Variants in PRKN observed in about 807,000 individuals in gnomAD.
PRKN encodes the protein E3 ubiquitin-protein ligase parkin.
A neutral mutation model predicts 59.5 loss-of-function variants in PRKN; 56 were observed. The ratio of observed to expected loss-of-function variants is 0.94; its 90% CI spans 0.76 to 1.18. The LOEUF (loss-of-function observed/expected upper bound fraction) is 1.18, where lower values mean the gene tolerates loss of function less well. Among genes scored for constraint, PRKN ranks in the 50% most tolerant of loss-of-function variants. PRKN has a pLI of 0.00. For synonymous variants in PRKN, 250 were observed against 222.1 expected (o/e 1.13, Z -1.12); for missense variants, 657 against 596.4 (o/e 1.10, Z -1.06).
intron 1 of PRKN, among the ~76,000 whole-genome samples, chr6:162,718,310 T>G (rs571800486): frequency 6.6e-6 from 1 of 152,318 alleles, no homozygotes; most frequent in East Asian, 1.9e-4. Flanking sequence ...ATGATTAAAT[T>G]GGCTGCAAAA....
intron 3 of PRKN, among the ~76,000 whole-genome samples, chr6:162,202,167 T>C (rs986372373): frequency 1.9e-4 from 29 of 152,256 alleles, no homozygotes; most frequent in Admixed American, 1.8e-3. Context: ...CTTTGAAATT[T>C]TACTATGATC....
rs907039284 is a variant in PRKN at position 161,576,358 on chromosome 6, C to T, written c.872-6942G>A. 5.3e-5 allele frequency among the ~76,000 whole-genome samples: 8 copies of T among 152,198 alleles called. No homozygotes were observed. Among genetic ancestry groups the T allele is most frequent in the Non-Finnish European group, 1.2e-4 (8 of 68,042 alleles). Reference sequence around the variant, plus strand: ...CCAGTTAAGGAGAATCTTGAAGATACTCACCTTCCACCTAATAATGTACTT... The same window carrying T: ...CCAGTTAAGGAGAATCTTGAAGATATTCACCTTCCACCTAATAATGTACTT... On this transcript the variant is annotated intron_variant, in intron 7 of 11. Coordinates refer to ENST00000366898, the MANE Select transcript of PRKN (RefSeq NM_004562.3). The surrounding 1 kb of genome is among the most constrained non-coding windows in gnomAD (Gnocchi z 4.6).
chr6:162,043,110 C>CTT (rs1784127206), intron 5 of PRKN, among the ~76,000 whole-genome samples: 1 of 152,096 alleles, frequency 6.6e-6, no homozygotes, highest in African/African-American at 2.4e-5. Context: ...AGCAGAAACC[C>CTT]CTGATAAACC....
At chr6:161,682,518 C>T (rs1318369913) in intron 7 of PRKN, among the ~76,000 whole-genome samples, 1 of 151,740 alleles carries the variant, frequency 6.6e-6, no homozygotes, top group Non-Finnish European at 1.5e-5. Flanking sequence ...GGAGTGAGAT[C>T]GGAGCTGGGG....
At chr6:162,578,853 C>T (rs888450530) in intron 1 of PRKN, among the ~76,000 whole-genome samples, 2 of 152,084 alleles carry the variant, frequency 1.3e-5, no homozygotes, top group Non-Finnish European at 2.9e-5. Flanking sequence ...TAACTTATGT[C>T]ATATTTTTTC....
intron 6 of PRKN, among the ~76,000 whole-genome samples, chr6:161,922,292 A>G (rs1467747232): frequency 6.6e-6 from 1 of 152,120 alleles, no homozygotes. Flanking sequence ...ATGGTTTTGA[A>G]AAATATTTTC....
At chr6:162,087,589 C>CTTTTTTTTTTTTTTTTTTT (rs35184111) in intron 4 of PRKN, among the ~76,000 whole-genome samples, 1 of 102,692 alleles carries the variant, frequency 9.7e-6, no homozygotes, top group Non-Finnish European at 1.8e-5. Flanking sequence ...AGAATAATTT[C>CTTTTTTTTTTTTTTTTTTT]TTTTTTTTTT....
chr6:161,890,564 G>A (rs1445038537), intron 6 of PRKN, among the ~76,000 whole-genome samples: 3 of 152,168 alleles, frequency 2.0e-5, no homozygotes, highest in African/African-American at 7.2e-5. Flanking sequence ...TAAGCCTTGG[G>A]GGAATGCTGG....
rs938550124 is a variant in PRKN, at chr6:161,566,503, C to G, written c.933+2852G>C. 2.0e-5 allele frequency among the ~76,000 whole-genome samples: 3 copies of G among 152,036 alleles called. No individual in the cohort carries two copies. Among genetic ancestry groups the G allele is most frequent in the African/African-American group, 7.2e-5 (3 of 41,394 alleles). On this transcript the variant is annotated intron_variant, in intron 8 of 11. Transcript: ENST00000366898. This position sits in a 1 kb window ranked among gnomAD's most constrained non-coding sequence, Gnocchi z 4.1. ...CTCACTGCAACCTCCGCCTCCCAGG[C>G]TCAAGCAATTCTCCTGCCTCAGCCT...
chr6:162,698,503 C>A (rs1778044064), intron 1 of PRKN, among the ~76,000 whole-genome samples: 1 of 152,194 alleles, frequency 6.6e-6, no homozygotes, highest in Admixed American at 6.5e-5. Context: ...ATCACATGAG[C>A]ATGAGGACCC....
At chr6:161,615,936 A>G (rs1782676939) in intron 7 of PRKN, among the ~76,000 whole-genome samples, 1 of 152,176 alleles carries the variant, frequency 6.6e-6, no homozygotes, top group Non-Finnish European at 1.5e-5. Flanking sequence ...AAGCATCTGT[A>G]GTTGGGTTCG....
intron 5 of PRKN, among the ~76,000 whole-genome samples, chr6:162,048,222 T>A (rs370529318): frequency 6.6e-6 from 1 of 152,168 alleles, no homozygotes; most frequent in Non-Finnish European, 1.5e-5. Context: ...GCTTGTGTAA[T>A]AGGAAATCAA....
In PRKN at chr6:161,396,685, C is replaced by T. The variant is rs184034800; in HGVS notation, c.1084-9808G>A. Among the ~76,000 whole-genome samples, 5 of 152,300 alleles carry T rather than the reference C, an allele frequency of 3.3e-5. No individual in the cohort carries two copies. In the East Asian group the frequency reaches 9.6e-4, roughly 29 times the overall value. ...ACTAGACTCTGTAGAAATGATTACG[C>T]TACGCCAGTAAAAATGTGAAATCCA... On this transcript the variant is annotated intron_variant, in intron 9 of 11. Coordinates refer to ENST00000366898, the MANE Select transcript of PRKN (RefSeq NM_004562.3). The surrounding 1 kb of genome is among the most constrained non-coding windows in gnomAD (Gnocchi z 5.4).
At chr6:162,532,478 T>C (rs1369673401) in intron 1 of PRKN, among the ~76,000 whole-genome samples, 1 of 152,186 alleles carries the variant, frequency 6.6e-6, no homozygotes, top group Non-Finnish European at 1.5e-5. Context: ...TTTTTTGTGC[T>C]CAGGTTTGAT....
chr6:161,607,255 G>A (rs758593800), intron 7 of PRKN, among the ~76,000 whole-genome samples: 3 of 152,126 alleles, frequency 2.0e-5, no homozygotes, highest in Non-Finnish European at 2.9e-5. Flanking sequence ...TAACAAGCCT[G>A]ACCTTGCACA....
chr6:162,459,268 T>C (rs1394860427), intron 1 of PRKN, among the ~76,000 whole-genome samples: 2 of 152,162 alleles, frequency 1.3e-5, no homozygotes, highest in Non-Finnish European at 2.9e-5. Flanking sequence ...TAAGCACTTA[T>C]TAGGTAGATA....
chr6:162,267,198 G>C (rs995055918), intron 2 of PRKN: 1 of 152,152 alleles, frequency 6.6e-6, no homozygotes, highest in Non-Finnish European at 1.5e-5. Context: ...CTTATAGGAC[G>C]CATTTCCCTC....
chr6:162,705,153 T>G (rs144431392), intron 1 of PRKN, among the ~76,000 whole-genome samples: 26 of 152,294 alleles, frequency 1.7e-4, no homozygotes, highest in African/African-American at 6.0e-4. Context: ...ATGGAAACCC[T>G]TCACACCTGC....
rs1562602099 is a variant in PRKN, at chr6:162,235,939, AAGG to A, written c.412+26583_412+26585del. Among the ~76,000 whole-genome samples, 95 of 99,500 alleles carry A rather than the reference AAGG, an allele frequency of 9.5e-4. 3 individuals carry two copies. The highest frequency in any genetic ancestry group is 5.1e-3 in the South Asian group (11 of 2,164). 65.3% of individuals were successfully genotyped at this position (99,500 alleles called of 152,430 possible). A position where few individuals can be genotyped will look rare whatever the true frequency, so the allele number is the denominator to read the frequency against. On this transcript the variant is annotated intron_variant, in intron 3 of 11. Transcript: ENST00000366898. ...GAAGGAAGGAAGGAAGGAAGGAAGGAAGGAAGGAAGGAAGAAAGGAAGAAAGAA... is the reference window on the plus strand; with the variant it reads ...GAAGGAAGGAAGGAAGGAAGGAAGGAAAGGAAGGAAGAAAGGAAGAAAGAA...
Sources: gnomAD v4.1 joint callset for allele counts (sites outside exome capture counted in the v4.1 genomes callset) on GRCh38, gnomAD v4.1.1 for gene constraint, Gnocchi (gnomAD v3.1) non-coding constraint, MANE v1.5 for transcripts, NCBI Gene and HGNC (gene_info 2026-07-23, HGNC 2026-07-21) for gene names.